Variants in CD2AP observed in about 807,000 individuals in gnomAD.
CD2AP encodes CD2 associated protein, also known as CD2-associated protein.
CD2AP carries 46 observed loss-of-function variants against 85.1 expected under a neutral mutation model. The ratio of observed to expected loss-of-function variants is 0.54; its 90% CI spans 0.43 to 0.69. The LOEUF is 0.69. Ranked by LOEUF, CD2AP falls within the 30% of genes least tolerant of loss-of-function variation. CD2AP has a pLI of 0.00. For synonymous variants in CD2AP, 255 were observed against 252.9 expected (o/e 1.01, Z -0.08); for missense variants, 769 against 729.5 (o/e 1.05, Z -0.62).
chr6:47,599,406 C>T lies in CD2AP; in HGVS notation c.1380C>T (p.Asp460=). Residue 460 remains aspartate (D), a synonymous_variant, in exon 13 of 18, where the codon GAC becomes GAT. Coordinates refer to ENST00000359314, the MANE Select transcript of CD2AP (RefSeq NM_012120.3). The part of the protein sequence containing the change: ...EQLPLRPKSV[D]FDSLTVRTSK... The stretch of plus-strand genomic sequence containing the variant: ...TGCCCCTTAGACCAAAATCAGTAGA[C>T]TTTGATTCACTTACAGTAAGGACCT... The T allele has an allele frequency of 6.2e-7, 1 of 1,612,034 alleles. No individual in the cohort carries two copies. Among genetic ancestry groups the T allele is most frequent in the Non-Finnish European group, 8.5e-7 (1 of 1,178,932 alleles).
At chr6:47,506,993 C>T (rs181903966) in intron 2 of CD2AP, among the ~76,000 whole-genome samples, 1 of 152,288 alleles carries the variant, frequency 6.6e-6, no homozygotes, top group East Asian at 1.9e-4. Flanking sequence ...TGTAGTCAGT[C>T]GTTTCAAACC....
In CD2AP at chr6:47,496,245, A is replaced by G. The variant is rs548642853; in HGVS notation, c.5-7035A>G. Among the ~76,000 whole-genome samples the G allele has an allele frequency of 2.6e-4, 39 of 152,038 alleles. No individual in the cohort carries two copies. The South Asian group carries it at 6.9e-3, about 27-fold the overall frequency. ...TATTTTCTTGGGTGTAGAGAGTTTA[A>G]GATTTGTAGGTATTTTCTTTCCACA... On this transcript the variant is annotated intron_variant, in intron 1 of 17. Coordinates refer to ENST00000359314, the MANE Select transcript of CD2AP (RefSeq NM_012120.3).
chr6:47,478,351 G>T, intron 1 of CD2AP, 103 bp downstream of exon 1: 1 of 1,340,490 alleles, frequency 7.5e-7, no homozygotes, highest in South Asian at 1.2e-5. Context: ...GTCAGCCCCT[G>T]AGCGGCAGCA....
intron 2 of CD2AP, among the ~76,000 whole-genome samples, chr6:47,503,783 G>A (rs1766059049): frequency 1.3e-5 from 2 of 152,146 alleles, no homozygotes; most frequent in Non-Finnish European, 2.9e-5. Flanking sequence ...TGAGCCTACA[G>A]TATACTTGTG....
chr6:47,487,383 G>GTTT (rs1180507221), intron 1 of CD2AP, among the ~76,000 whole-genome samples: 2 of 152,040 alleles, frequency 1.3e-5, no homozygotes, highest in Non-Finnish European at 2.9e-5. Flanking sequence ...CAACTTCATA[G>GTTT]TTTAAAACTT....
At position 47,505,018 on chromosome 6, in the gene CD2AP, T is replaced by C. The variant is rs1392572351; in HGVS notation, c.165+1578T>C. ...GGGTGGCTGTGGCAGTTTCTTTTTTTTTTTTTTTTTTTTTTTTTAATTTAT... is the reference window on the plus strand; with the variant it reads ...GGGTGGCTGTGGCAGTTTCTTTTTTCTTTTTTTTTTTTTTTTTTAATTTAT... On this transcript the variant is annotated intron_variant, in intron 2 of 17. Coordinates refer to ENST00000359314, the MANE Select transcript of CD2AP (RefSeq NM_012120.3). Among the ~76,000 whole-genome samples the C allele has an allele frequency of 6.8e-4, 56 of 82,040 alleles. 1 individual carries two copies. Among genetic ancestry groups the C allele is most frequent in the African/African-American group, 2.2e-3 (52 of 23,998 alleles). The allele number at this position is 82,040 out of a possible 152,430, so 53.8% of individuals were successfully genotyped here. A position where few individuals can be genotyped will look rare whatever the true frequency, so the allele number is the denominator to read the frequency against.
chr6:47,580,633 G>C (rs1768452076), intron 9 of CD2AP, among the ~76,000 whole-genome samples: 1 of 152,128 alleles, frequency 6.6e-6, no homozygotes, highest in Non-Finnish European at 1.5e-5. Flanking sequence ...CTGAAATATG[G>C]ATTGAGATAT....
rs201792454 is a variant in CD2AP at position 47,595,812 on chromosome 6, C to T, written c.1109-49C>T. 4 of 1,539,140 alleles carry T rather than the reference C, an allele frequency of 2.6e-6. No homozygotes were observed. The East Asian group carries it at 9.0e-5, about 35-fold the overall frequency. The stretch of plus-strand genomic sequence containing the variant: ...ATACAAACTTTTGGAAATAGAAAAA[C>T]CTAAATAATTTTGATTGTTAATAAC... On this transcript the variant is annotated intron_variant, in intron 11 of 17. Coordinates refer to ENST00000359314, the MANE Select transcript of CD2AP (RefSeq NM_012120.3).
chr6:47,527,106 T>TCCCC (rs11439961), intron 2 of CD2AP, among the ~76,000 whole-genome samples: 153 of 141,626 alleles, frequency 1.1e-3, no homozygotes, highest in African/African-American at 3.9e-3. Flanking sequence ...AATAAAAGAC[T>TCCCC]CCCCCCCGAT....
chr6:47,558,273 CAG>C (rs745581298), intron 5 of CD2AP, among the ~76,000 whole-genome samples: 1 of 152,168 alleles, frequency 6.6e-6, no homozygotes, highest in Non-Finnish European at 1.5e-5. Flanking sequence ...CATCTGCAAA[CAG>C]AGATAATTTT....
chr6:47,607,157 T>C (rs1769299515), intron 14 of CD2AP, among the ~76,000 whole-genome samples: 1 of 152,154 alleles, frequency 6.6e-6, no homozygotes, highest in African/African-American at 2.4e-5. Flanking sequence ...TGTGACTGAA[T>C]AGTAGTCCAT....
chr6:47,513,894 G>A (rs577975761), intron 2 of CD2AP, among the ~76,000 whole-genome samples: 1 of 145,732 alleles, frequency 6.9e-6, no homozygotes, highest in Non-Finnish European at 1.5e-5. Flanking sequence ...TTTTTTTTTG[G>A]GGGGGGGGCT....
At chr6:47,511,661 A>C (rs1766316123) in intron 2 of CD2AP, among the ~76,000 whole-genome samples, 1 of 152,120 alleles carries the variant, frequency 6.6e-6, no homozygotes, top group Non-Finnish European at 1.5e-5. Context: ...AATTTTATTT[A>C]AAAAAAATTA....
chr6:47,544,676 A>G lies in CD2AP; in HGVS notation c.390A>G (p.Lys130=), dbSNP rs1767319514. Residue 130 remains lysine, a synonymous_variant, in exon 4 of 18, where the codon AAA becomes AAG. Transcript: ENST00000359314. The stretch of plus-strand genomic sequence containing the variant: ...AAAATGAGGATGAACTGGAGCTGAA[A>G]GTGGGAGATATTATTGATATTAATG... The part of the protein sequence containing the change: ...IPQNEDELEL[K]VGDIIDINEE... 6.2e-7 allele frequency: 1 copy of G among 1,611,322 alleles called. No individual in the cohort carries two copies. Among genetic ancestry groups the G allele is most frequent in the Admixed American group, 1.7e-5 (1 of 60,006 alleles).
intron 13 of CD2AP, 82 bp downstream of exon 13, chr6:47,599,525 T>G (rs1229816932): frequency 1.5e-5 from 19 of 1,230,238 alleles, no homozygotes; most frequent in Admixed American, 8.2e-5. Context: ...TTATGCAATT[T>G]GTGTGTGGAT....
intron 5 of CD2AP, among the ~76,000 whole-genome samples, chr6:47,569,713 C>T (rs1206551116): frequency 1.3e-5 from 2 of 152,050 alleles, no homozygotes; most frequent in African/African-American, 4.8e-5. Context: ...TGATGAGACA[C>T]AGGATCCTGG....
At chr6:47,587,056 C>T (rs1369327848) in intron 11 of CD2AP, among the ~76,000 whole-genome samples, 1 of 152,056 alleles carries the variant, frequency 6.6e-6, no homozygotes, top group African/African-American at 2.4e-5. Context: ...CAGAGAGGGC[C>T]AGTTGAATAT....
chr6:47,485,521 A>G (rs1276562134), intron 1 of CD2AP, among the ~76,000 whole-genome samples: 1 of 152,194 alleles, frequency 6.6e-6, no homozygotes, highest in Non-Finnish European at 1.5e-5. Context: ...AAAAATTTAT[A>G]AAGTAAAAAG....
At chr6:47,522,576 T>TATAA in intron 2 of CD2AP, among the ~76,000 whole-genome samples, 1 of 152,312 alleles carries the variant, frequency 6.6e-6, no homozygotes, top group Middle Eastern at 3.4e-3. Flanking sequence ...TTGACCTTGA[T>TATAA]ATAAAGTGTT....
Sources: allele counts gnomAD v4.1 joint callset (sites outside exome capture counted in the v4.1 genomes callset), GRCh38; gene constraint gnomAD v4.1.1; transcripts MANE v1.5; gene names NCBI Gene and HGNC (gene_info 2026-07-23, HGNC 2026-07-21).